The following SPICE1 variants were observed in gnomAD, a reference collection of about 807,000 sequenced individuals.
The protein encoded by SPICE1 is spindle and centriole associated protein 1, also known as spindle and centriole-associated protein 1.
Under a neutral mutation model 102.7 loss-of-function variants are expected in SPICE1, and 75 were observed. The observed-to-expected ratio is 0.73, with a 90% CI of 0.61 to 0.88. The LOEUF is 0.88. Among genes scored for constraint, SPICE1 ranks in the 40% least tolerant of loss-of-function variants. The pLI is 0.00. For missense variants in SPICE1, 979 were observed against 1,020.1 expected, an observed-to-expected ratio of 0.96 and a Z score of 0.55; for synonymous variants, 308 against 350.3, an observed-to-expected ratio of 0.88 and a Z score of 1.35.
intron 14 of SPICE1, among the ~76,000 whole-genome samples, chr3:113,452,648 C>T (rs929158146): frequency 8.6e-5 from 13 of 150,858 alleles, no homozygotes; most frequent in African/African-American, 2.9e-4. Context: ...TGCGTCACTG[C>T]GCTCCAGCCT....
At chr3:113,470,394 G>C (rs1408352541) in intron 7 of SPICE1, among the ~76,000 whole-genome samples, 3 of 152,230 alleles carry the variant, frequency 2.0e-5, no homozygotes, top group Non-Finnish European at 4.4e-5. Context: ...TCCAAATGAT[G>C]TCAGAAGAAG....
At chr3:113,468,472 A>G in intron 9 of SPICE1, 68 bp from the exon 10 acceptor site, 3 of 1,510,240 alleles carry the variant, frequency 2.0e-6, no homozygotes, top group Non-Finnish European at 1.8e-6. Context: ...TACTAGAAAA[A>G]TCTTTTGACT....
At chr3:113,503,591 A>G (rs1003271581) in intron 2 of SPICE1, among the ~76,000 whole-genome samples, 3 of 152,194 alleles carry the variant, frequency 2.0e-5, no homozygotes, top group Non-Finnish European at 4.4e-5. Flanking sequence ...ACTGTAGTCT[A>G]TGGAATCCCA....
At chr3:113,452,102 C>T (rs1935666565) in intron 14 of SPICE1, among the ~76,000 whole-genome samples, 1 of 152,150 alleles carries the variant, frequency 6.6e-6, no homozygotes, top group South Asian at 2.1e-4. Context: ...TATAAACCCT[C>T]CCTAGCTGGA....
chr3:113,491,051 C>T (rs1678839963), intron 6 of SPICE1, among the ~76,000 whole-genome samples: 1 of 152,176 alleles, frequency 6.6e-6, no homozygotes, highest in African/African-American at 2.4e-5. Context: ...TCTTTAAAAT[C>T]CTTCAGTGAC....
intron 10 of SPICE1, among the ~76,000 whole-genome samples, chr3:113,467,495 T>G (rs995827443): frequency 6.6e-6 from 1 of 152,192 alleles, no homozygotes; most frequent in Non-Finnish European, 1.5e-5. Context: ...TTTTACCACG[T>G]TGAGGCCAGG....
intron 11 of SPICE1, among the ~76,000 whole-genome samples, chr3:113,462,421 TC>T (rs1380100883): frequency 2.6e-5 from 4 of 152,196 alleles, no homozygotes; most frequent in African/African-American, 9.7e-5. Context: ...AATTTCAATG[TC>T]AGATTCCATT....
At position 113,443,910 on chromosome 3, in the gene SPICE1, T is replaced by G. The variant is rs897145811; in HGVS notation, c.*1397A>C. ...ATTCTGCTAACCAAAATAATTTTGT[T>G]TACAGCATAAGAATGATTATATGAT... On this transcript the variant is annotated 3_prime_UTR_variant, in exon 18 of 18. Coordinates refer to ENST00000295872, the MANE Select transcript of SPICE1 (RefSeq NM_144718.4). 2.0e-5 allele frequency: 3 copies of G among 152,198 alleles called. No individual in the cohort carries two copies. The highest frequency in any genetic ancestry group is 7.2e-5 in the African/African-American group (3 of 41,450). 9.4% of individuals were successfully genotyped at this position (152,198 alleles called of 1,614,324 possible).
At chr3:113,483,805 C>G (rs149369314) in intron 7 of SPICE1, among the ~76,000 whole-genome samples, 6,529 of 152,140 alleles carry the variant, frequency 0.043, 169 homozygotes, top group East Asian at 0.1. Context: ...ATTTTTGCAT[C>G]GATGTTCATC....
intron 7 of SPICE1, among the ~76,000 whole-genome samples, chr3:113,478,943 A>T (rs948090535): frequency 2.0e-5 from 3 of 151,794 alleles, no homozygotes; most frequent in Non-Finnish European, 1.5e-5. Context: ...GGCTCTGGAA[A>T]TTTTTTTTTA....
At chr3:113,458,524 C>A (rs1025765490) in intron 12 of SPICE1, among the ~76,000 whole-genome samples, 7 of 152,212 alleles carry the variant, frequency 4.6e-5, no homozygotes, top group African/African-American at 1.7e-4. Context: ...CTCAATGTTG[C>A]CCAGGCTGGA....
intron 16 of SPICE1, among the ~76,000 whole-genome samples, chr3:113,447,186 GTTTT>G (rs1231507786): frequency 6.6e-6 from 1 of 152,058 alleles, no homozygotes; most frequent in Non-Finnish European, 1.5e-5. Flanking sequence ...TCTCAGTTAT[GTTTT>G]TATCAGCAAC....
At chr3:113,454,847 T>C (rs899581457) in intron 13 of SPICE1, among the ~76,000 whole-genome samples, 4 of 152,144 alleles carry the variant, frequency 2.6e-5, no homozygotes, top group Non-Finnish European at 5.9e-5. Context: ...CAGGCATGTA[T>C]GACTGATAAC....
Position 113,442,723 on chromosome 3 carries a change from A to G in SPICE1, c.*2584T>C, listed in dbSNP as rs1935412317. The G allele has an allele frequency of 6.6e-6, 1 of 152,224 alleles. No homozygotes were observed. The highest frequency in any genetic ancestry group is 1.5e-5 in the Non-Finnish European group (1 of 68,036). The allele number at this position is 152,224 out of a possible 1,614,324, so 9.4% of individuals were successfully genotyped here. ...ATAAAATTGGCAAGAAAAAATTGCTATAATACAATTTGTGTTTATTAGTTT... is the reference window on the plus strand; with the variant it reads ...ATAAAATTGGCAAGAAAAAATTGCTGTAATACAATTTGTGTTTATTAGTTT... On this transcript the variant is annotated 3_prime_UTR_variant, in exon 18 of 18. Coordinates refer to ENST00000295872, the MANE Select transcript of SPICE1 (RefSeq NM_144718.4).
In SPICE1 at chr3:113,500,576, G is replaced by A. The variant is rs151248983; in HGVS notation, c.148-994C>T. 5.7e-3 allele frequency among the ~76,000 whole-genome samples: 863 copies of A among 151,972 alleles called. 10 individuals carry two copies. Among genetic ancestry groups the A allele is most frequent in the South Asian group, 0.019 (93 of 4,816 alleles). The stretch of plus-strand genomic sequence containing the variant: ...ACTGAATATGTAAGCACAAAATGAT[G>A]TGTTCTCTGGAATTTGCTTTAAAAT... On this transcript the variant is annotated intron_variant, in intron 3 of 17. Transcript: ENST00000295872.
chr3:113,445,379 G>A lies in SPICE1; in HGVS notation c.2515-19C>T. 1 of 1,610,674 alleles carries A rather than the reference G, an allele frequency of 6.2e-7. No individual in the cohort carries two copies. The highest frequency in any genetic ancestry group is 1.1e-5 in the South Asian group (1 of 90,658). On this transcript the variant is annotated intron_variant, in intron 17 of 17. Transcript: ENST00000295872. Reference sequence around the variant, plus strand: ...TCTCAATCTGTTGAACAAAGACACGGAAAAAATTTAGATGGTAATTAGAAA... The same window carrying A: ...TCTCAATCTGTTGAACAAAGACACGAAAAAAATTTAGATGGTAATTAGAAA...
At chr3:113,458,629 GCCA>G (rs1935843459) in intron 12 of SPICE1, among the ~76,000 whole-genome samples, 1 of 152,058 alleles carries the variant, frequency 6.6e-6, no homozygotes, top group Non-Finnish European at 1.5e-5. Flanking sequence ...CTGCCCGGCC[GCCA>G]CCCCGTCTAG....
Position 113,483,671 on chromosome 3 carries a change from G to A in SPICE1, c.611+5274C>T, listed in dbSNP as rs138729427. Reference sequence around the variant, plus strand: ...TGTCTTTGGTTCTGTTTATGTGATGGATTACATTTATTTTTTTGCATATGC... The same window carrying A: ...TGTCTTTGGTTCTGTTTATGTGATGAATTACATTTATTTTTTTGCATATGC... On this transcript the variant is annotated intron_variant, in intron 7 of 17. Coordinates refer to ENST00000295872, the MANE Select transcript of SPICE1 (RefSeq NM_144718.4). Among the ~76,000 whole-genome samples, 398 of 152,240 alleles carry A rather than the reference G, an allele frequency of 2.6e-3. 2 individuals carry two copies. The highest frequency in any genetic ancestry group is 8.9e-3 in the African/African-American group (369 of 41,538).
At chr3:113,469,464 A>C (rs1423885326) in intron 7 of SPICE1, among the ~76,000 whole-genome samples, 1 of 146,470 alleles carries the variant, frequency 6.8e-6, no homozygotes, top group Non-Finnish European at 1.5e-5. Flanking sequence ...TTATATAATA[A>C]TTACACATAA....
Sources: allele counts gnomAD v4.1 joint callset (sites outside exome capture counted in the v4.1 genomes callset), GRCh38; gene constraint gnomAD v4.1.1; transcripts MANE v1.5; gene names NCBI Gene and HGNC (gene_info 2026-07-23, HGNC 2026-07-21).